PPP4R3A: variants seen among roughly 807,000 people sequenced by gnomAD.
PPP4R3A encodes the protein protein phosphatase 4 regulatory subunit 3A.
In PPP4R3A, 15 loss-of-function variants were observed where a neutral mutation model predicts 91.7. The observed-to-expected ratio is 0.16, with a 90% CI of 0.11 to 0.25. The LOEUF is 0.25. Ranked by LOEUF, PPP4R3A falls within the 10% of genes least tolerant of loss-of-function variation. PPP4R3A has a pLI of 1.00. For synonymous variants in PPP4R3A, 377 were observed against 348.7 expected, an observed-to-expected ratio of 1.08 and a Z score of -0.91; for missense variants, 623 against 998.4, an observed-to-expected ratio of 0.62 and a Z score of 5.07.
intron 2 of PPP4R3A, among the ~76,000 whole-genome samples, chr14:91,488,811 T>C (rs185390513): frequency 1.5e-3 from 233 of 152,154 alleles, no homozygotes; most frequent in African/African-American, 5.5e-3. Flanking sequence ...AGGTAATGCT[T>C]AGAAAGTGAG....
At chr14:91,487,322 G>C (rs894341509) in intron 2 of PPP4R3A, among the ~76,000 whole-genome samples, 1 of 149,686 alleles carries the variant, frequency 6.7e-6, no homozygotes, top group Non-Finnish European at 1.5e-5. Context: ...CTGTTTGATA[G>C]CAATCAACCA....
At chr14:91,466,092 TA>T (rs1888457444) in intron 10 of PPP4R3A, among the ~76,000 whole-genome samples, 1 of 152,188 alleles carries the variant, frequency 6.6e-6, no homozygotes, top group African/African-American at 2.4e-5. Flanking sequence ...ACTTACAGAT[TA>T]AAAGGTATAT....
chr14:91,462,083 CATA>C lies in PPP4R3A; in HGVS notation c.2127_2129del (p.Ile709del), dbSNP rs750632040. On this transcript the variant is annotated inframe_deletion, in exon 13 of 15. Coordinates refer to ENST00000554943, the MANE Select transcript of PPP4R3A (RefSeq NM_001366432.2). ...TTTCCATGAATTTACTTATTGGATC[CATA>C]ATATCATCATCATTTTTAGTTTTGT... 3.3e-6 allele frequency: 5 copies of C among 1,536,566 alleles called. No homozygotes were observed. The South Asian group carries it at 6.4e-5, about 20-fold the overall frequency.
intron 12 of PPP4R3A, among the ~76,000 whole-genome samples, 160 bp downstream of exon 12, chr14:91,462,575 G>C (rs759561603): frequency 6.6e-6 from 1 of 151,188 alleles, no homozygotes; most frequent in East Asian, 1.9e-4. Flanking sequence ...CTAATCTTCA[G>C]GGAAACATTT....
intron 4 of PPP4R3A, among the ~76,000 whole-genome samples, chr14:91,477,575 A>G (rs761310214): frequency 7.2e-5 from 11 of 152,164 alleles, no homozygotes; most frequent in Non-Finnish European, 1.6e-4. Flanking sequence ...CCCAAGCCCA[A>G]TTAAGGTGGC....
chr14:91,462,182 A>G lies in PPP4R3A; in HGVS notation c.2031T>C (p.Asp677=). The G allele has an allele frequency of 6.2e-7, 1 of 1,608,110 alleles. No homozygotes were observed. Among genetic ancestry groups the G allele is most frequent in the Non-Finnish European group, 8.5e-7 (1 of 1,178,144 alleles). ...RYRRDARTLE[D]EEEMWFNTDE... ...CTGTGTTAAACCACATCTCTTCTTC[A>G]TCTTCTAGTGTTCTGGCATCTCTTC... The change falls in exon 13 of 15, where the codon GAT becomes GAC. Residue 677 remains aspartate, a synonymous_variant. Coordinates refer to ENST00000554943, the MANE Select transcript of PPP4R3A (RefSeq NM_001366432.2).
Position 91,509,954 on chromosome 14 carries a change from A to C in PPP4R3A, c.-307T>G. ...AGCCTCCCGCCCCGCAGCGCTAGGA[A>C]CTCGGGGCTCCCGTCACTGCCCTGC... On this transcript the variant is annotated 5_prime_UTR_variant, in exon 1 of 15. Transcript: ENST00000554943. 9.8e-7 allele frequency: 1 copy of C among 1,018,822 alleles called. No individual in the cohort carries two copies. Among genetic ancestry groups the C allele is most frequent in the Non-Finnish European group, 1.2e-6 (1 of 852,630 alleles). The allele number at this position is 1,018,822 out of a possible 1,614,324, so 63.1% of individuals were successfully genotyped here.
intron 13 of PPP4R3A, 144 bp downstream of exon 13, chr14:91,461,905 T>C (rs963978414): frequency 3.1e-6 from 4 of 1,311,112 alleles, no homozygotes; most frequent in Non-Finnish European, 4.0e-6. Context: ...AACACTGCTA[T>C]TCAGTCACAT....
chr14:91,490,705 A>C, intron 2 of PPP4R3A, 42 bp downstream of exon 2: 1 of 1,531,564 alleles, frequency 6.5e-7, no homozygotes, highest in Non-Finnish European at 9.0e-7. Flanking sequence ...CATTTACTCA[A>C]AAGGAAAATA....
intron 1 of PPP4R3A, among the ~76,000 whole-genome samples, chr14:91,501,150 A>G (rs928417594): frequency 1.3e-5 from 2 of 152,230 alleles, no homozygotes; most frequent in Non-Finnish European, 1.5e-5. Flanking sequence ...GAGATAGTAT[A>G]GAGAATTCCT....
At chr14:91,498,083 A>C (rs564225963) in intron 1 of PPP4R3A, among the ~76,000 whole-genome samples, 1 of 152,246 alleles carries the variant, frequency 6.6e-6, no homozygotes, top group Non-Finnish European at 1.5e-5. Flanking sequence ...GCCTGTAATC[A>C]CAGCACTTCA....
chr14:91,499,956 T>C (rs150875359), intron 1 of PPP4R3A, among the ~76,000 whole-genome samples: 70 of 152,076 alleles, frequency 4.6e-4, no homozygotes, highest in Middle Eastern at 3.4e-3. Flanking sequence ...CCTCTGGGGA[T>C]TGGAGATAAA....
chr14:91,508,424 C>G (rs753457030), intron 1 of PPP4R3A, among the ~76,000 whole-genome samples: 2 of 152,132 alleles, frequency 1.3e-5, no homozygotes, highest in African/African-American at 4.8e-5. Flanking sequence ...TGCAATAATT[C>G]AGATACAGAA....
chr14:91,492,079 T>C (rs938295851), intron 1 of PPP4R3A, among the ~76,000 whole-genome samples: 7 of 152,174 alleles, frequency 4.6e-5, no homozygotes, highest in African/African-American at 7.2e-5. Context: ...TGGGTAACAA[T>C]AGAAATCTAC....
chr14:91,466,029 G>A (rs1189157452), intron 10 of PPP4R3A, among the ~76,000 whole-genome samples: 1 of 152,156 alleles, frequency 6.6e-6, no homozygotes, highest in Non-Finnish European at 1.5e-5. Context: ...ATTGTAGCGA[G>A]TATGCTTTTT....
At position 91,488,909 on chromosome 14, in the gene PPP4R3A, T is replaced by TC. The variant is rs1247899216; in HGVS notation, c.198+1837_198+1838insG. ...AACTAGTCATAATATAGATACCACT[T>TC]TTTTTTTTTTTTTTTTGAGATGGAG... On this transcript the variant is annotated intron_variant, in intron 2 of 14. Transcript: ENST00000554943. 5.5e-3 allele frequency among the ~76,000 whole-genome samples: 802 copies of TC among 146,136 alleles called. 6 individuals carry two copies. The highest frequency in any genetic ancestry group is 0.019 in the African/African-American group (759 of 39,570).
intron 1 of PPP4R3A, among the ~76,000 whole-genome samples, chr14:91,495,522 G>A (rs1025993691): frequency 2.0e-5 from 3 of 152,044 alleles, no homozygotes; most frequent in Admixed American, 1.3e-4. Context: ...GTTTAGGGCT[G>A]GGAGGAAGTG....
chr14:91,467,418 CTCTTGTGCTTAGTTTCAATCA>C (rs1373891607), intron 10 of PPP4R3A, among the ~76,000 whole-genome samples: 10 of 152,194 alleles, frequency 6.6e-5, no homozygotes, highest in Non-Finnish European at 1.5e-4. Context: ...TTCCAGGAAC[CTCTTGTGCTTAGTTTCAATCA>C]TCTCTAAAAA....
intron 14 of PPP4R3A, among the ~76,000 whole-genome samples, chr14:91,460,335 T>C (rs1174872767): frequency 1.3e-5 from 2 of 151,828 alleles, no homozygotes; most frequent in South Asian, 2.1e-4. Context: ...ATTTCGATGC[T>C]AAGGGAAAAA....
Sources: gnomAD v4.1 joint callset for allele counts (sites outside exome capture counted in the v4.1 genomes callset) on GRCh38, gnomAD v4.1.1 for gene constraint, MANE v1.5 for transcripts, NCBI Gene and HGNC (gene_info 2026-07-23, HGNC 2026-07-21) for gene names.